BICRA: variants seen among roughly 807,000 people sequenced by gnomAD.
The protein encoded by BICRA is BRD4-interacting chromatin-remodeling complex-associated protein.
A neutral mutation model predicts 96.9 loss-of-function variants in BICRA; 31 were observed. The ratio of observed to expected loss-of-function variants is 0.32; its 90% CI spans 0.24 to 0.43. The LOEUF is 0.43. BICRA is among the 20% of genes least tolerant of loss of function. BICRA has a pLI of 1.00. For missense variants in BICRA, 2,283 were observed against 2,190.3 expected (o/e 1.04, Z -0.84); for synonymous variants, 1,350 against 1,071.8 (o/e 1.26, Z -5.07).
At chr19:47,652,735 A>G (rs145721122) in intron 1 of BICRA, among the ~76,000 whole-genome samples, 110 of 152,308 alleles carry the variant, frequency 7.2e-4, no homozygotes, top group African/African-American at 2.3e-3. Flanking sequence ...CACCAAGCTG[A>G]AAAAGCAAAA....
intron 1 of BICRA, chr19:47,662,984 G>A (rs1215630315): frequency 6.6e-6 from 1 of 152,218 alleles, no homozygotes; most frequent in Non-Finnish European, 1.5e-5. Flanking sequence ...CCAGAAATGG[G>A]AGCTCTTTTT....
At chr19:47,657,558 G>A (rs1351409055) in intron 1 of BICRA, among the ~76,000 whole-genome samples, 4 of 151,596 alleles carry the variant, frequency 2.6e-5, no homozygotes, top group South Asian at 2.1e-4. Flanking sequence ...CACCACTCCC[G>A]GCTAATATTT....
chr19:47,630,229 C>T (rs1271016362), intron 1 of BICRA, among the ~76,000 whole-genome samples: 5 of 144,770 alleles, frequency 3.5e-5, no homozygotes, highest in Non-Finnish European at 6.0e-5. Flanking sequence ...GGCGCAATCT[C>T]GGCTCACTGC....
At chr19:47,643,643 T>G (rs542751216) in intron 1 of BICRA, among the ~76,000 whole-genome samples, 2 of 152,326 alleles carry the variant, frequency 1.3e-5, no homozygotes, top group Admixed American at 1.3e-4. Flanking sequence ...TTGAGCAGCC[T>G]GTAGGTTAGC....
chr19:47,670,974 C>T (rs987544170), intron 2 of BICRA, among the ~76,000 whole-genome samples: 1 of 152,100 alleles, frequency 6.6e-6, no homozygotes, highest in Non-Finnish European at 1.5e-5. Flanking sequence ...CCCGGGGACA[C>T]TCCCCACAGC....
In BICRA at chr19:47,701,764, G is replaced by A; in HGVS notation, c.4032G>A (p.Glu1344=). 1 of 1,537,552 alleles carries A rather than the reference G, an allele frequency of 6.5e-7. No homozygotes were observed. Among genetic ancestry groups the A allele is most frequent in the Admixed American group, 2.0e-5 (1 of 50,766 alleles). The change falls in exon 15 of 15, where the codon GAG becomes GAA. Residue 1344 remains glutamate, a synonymous_variant. Transcript: ENST00000594866. This position sits in a 1 kb window ranked among gnomAD's most constrained non-coding sequence, Gnocchi z 5.4. ...CCCCCGCTACCCTCAAGGTGGCCGA[G>A]CCCCCGCCACGGCCGCCACCACCAC... ...PPPPATLKVA[E]PPPRPPPPPP...
intron 1 of BICRA, among the ~76,000 whole-genome samples, chr19:47,620,437 C>CA (rs1972047627): frequency 6.6e-6 from 1 of 151,934 alleles, no homozygotes; most frequent in Non-Finnish European, 1.5e-5. Context: ...GAGGTCAGGG[C>CA]AGGTGGATCA....
At position 47,679,966 on chromosome 19, in the gene BICRA, G is replaced by A. The variant is rs867260001; in HGVS notation, c.796G>A (p.Ala266Thr). Residue 266 changes from alanine (A) to threonine (T), a missense_variant, in exon 6 of 15, where the codon GCG becomes ACG. Coordinates refer to ENST00000594866, the MANE Select transcript of BICRA (RefSeq NM_001394372.1). ...QVPVSGYLAS[A>T]AGPSEPVTLA... is the part of the protein sequence containing the mutation. ...GCCCGTCAGCGGCTACCTGGCCTCG[G>A]CGGCTGGCCCCTCGGAGCCCGTGAC... The A allele has an allele frequency of 2.7e-6, 4 of 1,488,218 alleles. No homozygotes were observed. Among genetic ancestry groups the A allele is most frequent in the Middle Eastern group, 1.9e-4 (1 of 5,244 alleles). 92.2% of individuals were successfully genotyped at this position (1,488,218 alleles called of 1,614,324 possible).
chr19:47,695,343 C>G, intron 9 of BICRA, 22 bp from the exon 10 acceptor site: 1 of 630,246 alleles, frequency 1.6e-6, no homozygotes, highest in Non-Finnish European at 2.8e-6. Context: ...GGCCCTGTCT[C>G]CCCCACCCCA....
At position 47,698,457 on chromosome 19, in the gene BICRA, G is replaced by A. The variant is rs999107222; in HGVS notation, c.3249-177G>A. On this transcript the variant is annotated intron_variant, in intron 11 of 14. Transcript: ENST00000594866. This position sits in a 1 kb window ranked among gnomAD's most constrained non-coding sequence, Gnocchi z 4.8. ...TAGCACTGCTTTGGTCGGCCCCAGGGACTCAGTGAGATGGAACAAGCACGT... is the reference window on the plus strand; with the variant it reads ...TAGCACTGCTTTGGTCGGCCCCAGGAACTCAGTGAGATGGAACAAGCACGT... 6.6e-6 allele frequency among the ~76,000 whole-genome samples: 1 copy of A among 152,122 alleles called. No homozygotes were observed. The highest frequency in any genetic ancestry group is 6.5e-5 in the Admixed American group (1 of 15,268).
chr19:47,623,069 A>G (rs1972089170), intron 1 of BICRA, among the ~76,000 whole-genome samples: 1 of 151,872 alleles, frequency 6.6e-6, no homozygotes, highest in Non-Finnish European at 1.5e-5. Flanking sequence ...GTGTACTCTC[A>G]TATATTAGAC....
At chr19:47,631,322 G>T (rs1369941061) in intron 1 of BICRA, among the ~76,000 whole-genome samples, 3 of 152,122 alleles carry the variant, frequency 2.0e-5, no homozygotes, top group Non-Finnish European at 2.9e-5. Flanking sequence ...CCGCCTCCTG[G>T]GTTCAAGCAA....
chr19:47,644,710 A>T (rs1213326238), intron 1 of BICRA, among the ~76,000 whole-genome samples: 3 of 152,022 alleles, frequency 2.0e-5, no homozygotes, highest in Admixed American at 6.6e-5. Context: ...TATGTTGGCC[A>T]GGCTGGTCTC....
chr19:47,640,968 T>C (rs1051285741), intron 1 of BICRA, among the ~76,000 whole-genome samples: 1 of 149,442 alleles, frequency 6.7e-6, no homozygotes, highest in African/African-American at 2.5e-5. Flanking sequence ...GACATGATCT[T>C]GGCTCACTGC....
intron 1 of BICRA, among the ~76,000 whole-genome samples, chr19:47,643,813 A>C (rs1972418138): frequency 6.6e-6 from 1 of 152,150 alleles, no homozygotes. Context: ...CCAGAGCCCC[A>C]CCAGAACCCA....
At chr19:47,651,955 C>T (rs1461599255) in intron 1 of BICRA, among the ~76,000 whole-genome samples, 5 of 152,206 alleles carry the variant, frequency 3.3e-5, no homozygotes, top group South Asian at 2.1e-4. Flanking sequence ...GGGACAGGAA[C>T]GTTTGAACCG....
Position 47,656,110 on chromosome 19 carries a change from A to ACT in BICRA, c.-107-14330_-107-14329dup, listed in dbSNP as rs56331828. On this transcript the variant is annotated intron_variant, in intron 1 of 14. Coordinates refer to ENST00000594866, the MANE Select transcript of BICRA (RefSeq NM_001394372.1). Reference sequence around the variant, plus strand: ...CACACACACACACACACACACACACACTCTGAATAAATAAGTAAATTTTAG... The same window carrying ACT: ...CACACACACACACACACACACACACACTCTCTGAATAAATAAGTAAATTTTAG... Among the ~76,000 whole-genome samples the ACT allele has an allele frequency of 1.4e-4, 17 of 123,360 alleles. No individual in the cohort carries two copies. In the South Asian group the frequency reaches 2.4e-3, roughly 17 times the overall value. The allele number at this position is 123,360 out of a possible 152,430, so 80.9% of individuals were successfully genotyped here. A position where few individuals can be genotyped will look rare whatever the true frequency, so the allele number is the denominator to read the frequency against.
At chr19:47,696,735 T>TG (rs1234108142) in intron 11 of BICRA, among the ~76,000 whole-genome samples, 9 of 152,220 alleles carry the variant, frequency 5.9e-5, no homozygotes, top group African/African-American at 2.2e-4. Context: ...TCCGCCAGGC[T>TG]GGGGCTCAGG....
chr19:47,617,990 A>G (rs1972010012), intron 1 of BICRA, among the ~76,000 whole-genome samples: 1 of 152,186 alleles, frequency 6.6e-6, no homozygotes, highest in Non-Finnish European at 1.5e-5. Context: ...ATAGGTTGGG[A>G]AACTGAGGCA....
Sources: allele counts gnomAD v4.1 joint callset (sites outside exome capture counted in the v4.1 genomes callset), GRCh38; gene constraint gnomAD v4.1.1; non-coding constraint Gnocchi (gnomAD v3.1); transcripts MANE v1.5; gene names NCBI Gene and HGNC (gene_info 2026-07-23, HGNC 2026-07-21).